Variants in ST6GALNAC3 observed in about 807,000 individuals in gnomAD.
The protein encoded by ST6GALNAC3 is ST6 N-acetylgalactosaminide alpha-2,6-sialyltransferase 3.
A neutral mutation model predicts 32.7 loss-of-function variants in ST6GALNAC3; 25 were observed. That is an observed-to-expected ratio of 0.76 (90% CI 0.56 to 1.07). The LOEUF is 1.07. Among genes scored for constraint, ST6GALNAC3 ranks in the 50% least tolerant of loss-of-function variants. The pLI is 0.00. For synonymous variants in ST6GALNAC3, 129 were observed against 133.1 expected (o/e 0.97, Z 0.21); for missense variants, 355 against 382.4 (o/e 0.93, Z 0.60).
At chr1:76,393,779 A>G (rs1454811059) in intron 2 of ST6GALNAC3, among the ~76,000 whole-genome samples, 1 of 152,170 alleles carries the variant, frequency 6.6e-6, no homozygotes, top group Admixed American at 6.5e-5. Flanking sequence ...TCTTTAATAA[A>G]CCTCTACTGG....
chr1:76,171,501 GT>G lies in ST6GALNAC3; in HGVS notation c.18+96627del, dbSNP rs139355359. On this transcript the variant is annotated intron_variant, in intron 1 of 4. Coordinates refer to ENST00000328299, the MANE Select transcript of ST6GALNAC3 (RefSeq NM_152996.4). ...AAAAAAATCAATGAATCCAGGAGCT[GT>G]TTTTTTTTTGAAAAAATTAACGAAT... is the stretch of plus-strand genomic sequence containing the variant. Among the ~76,000 whole-genome samples the G allele has an allele frequency of 4.7e-4, 69 of 146,068 alleles. No homozygotes were observed. In the South Asian group the frequency reaches 8.6e-3, roughly 18 times the overall value.
At chr1:76,263,822 G>A (rs1456570565) in intron 1 of ST6GALNAC3, among the ~76,000 whole-genome samples, 1 of 152,160 alleles carries the variant, frequency 6.6e-6, no homozygotes, top group Admixed American at 6.5e-5. Context: ...GTGGGGCTTA[G>A]AAGTGCTTTT....
At chr1:76,403,898 T>C (rs1653617806) in intron 2 of ST6GALNAC3, among the ~76,000 whole-genome samples, 1 of 151,996 alleles carries the variant, frequency 6.6e-6, no homozygotes, top group African/African-American at 2.4e-5. Context: ...CACATCCATA[T>C]GAGAAAACTC....
chr1:76,546,067 T>A (rs1345380739), intron 3 of ST6GALNAC3, among the ~76,000 whole-genome samples: 1 of 152,206 alleles, frequency 6.6e-6, no homozygotes, highest in East Asian at 1.9e-4. Context: ...AAGTACAGAT[T>A]GAGACTCTGT....
At chr1:76,444,413 C>A (rs767684466) in intron 3 of ST6GALNAC3, among the ~76,000 whole-genome samples, 4 of 152,078 alleles carry the variant, frequency 2.6e-5, no homozygotes, top group Non-Finnish European at 4.4e-5. Context: ...ACTGTGCTAG[C>A]CACAGAGTAC....
intron 1 of ST6GALNAC3, among the ~76,000 whole-genome samples, chr1:76,190,383 C>T (rs958568815): frequency 9.2e-5 from 14 of 152,164 alleles, no homozygotes; most frequent in Non-Finnish European, 1.9e-4. Context: ...CAGTTTCCTT[C>T]TTTGCAAGTT....
intron 1 of ST6GALNAC3, among the ~76,000 whole-genome samples, chr1:76,212,657 T>C (rs543223696): frequency 2.0e-5 from 3 of 152,232 alleles, no homozygotes; most frequent in South Asian, 4.1e-4. Flanking sequence ...AATTCAACAA[T>C]TGAATTTTTT....
intron 3 of ST6GALNAC3, among the ~76,000 whole-genome samples, chr1:76,420,590 T>C (rs1654963742): frequency 6.6e-6 from 1 of 152,090 alleles, no homozygotes; most frequent in Non-Finnish European, 1.5e-5. Context: ...ATTTTCACTC[T>C]CTGTCTTTCA....
At chr1:76,382,474 T>C (rs970898216) in intron 2 of ST6GALNAC3, among the ~76,000 whole-genome samples, 2 of 152,134 alleles carry the variant, frequency 1.3e-5, no homozygotes, top group East Asian at 1.9e-4. Flanking sequence ...AGATTATGCA[T>C]AGTAGAAGAG....
intron 3 of ST6GALNAC3, among the ~76,000 whole-genome samples, chr1:76,527,048 C>T (rs1662955832): frequency 6.6e-6 from 1 of 152,042 alleles, no homozygotes; most frequent in Admixed American, 6.6e-5. Context: ...TTCTGGAAGA[C>T]AAGCTTGAAT....
intron 3 of ST6GALNAC3, among the ~76,000 whole-genome samples, chr1:76,513,205 C>T (rs1661974839): frequency 6.6e-6 from 1 of 152,060 alleles, no homozygotes; most frequent in Non-Finnish European, 1.5e-5. Flanking sequence ...AAAATCCCTG[C>T]CATGCCCAAT....
In ST6GALNAC3 at chr1:76,468,305, T is replaced by C. The variant is rs987037368; in HGVS notation, c.623+55888T>C. ...AATAGACACAAACATTTCCTCTAAATACTTCAGTGCCTGTGATTTAAGTAG... is the reference window on the plus strand; with the variant it reads ...AATAGACACAAACATTTCCTCTAAACACTTCAGTGCCTGTGATTTAAGTAG... On this transcript the variant is annotated intron_variant, in intron 3 of 4. Transcript: ENST00000328299. 2.0e-5 allele frequency among the ~76,000 whole-genome samples: 3 copies of C among 152,126 alleles called. No homozygotes were observed. The South Asian group carries it at 6.2e-4, about 32-fold the overall frequency.
Position 76,081,285 on chromosome 1 carries a change from T to TAA in ST6GALNAC3, c.18+6420_18+6421dup, listed in dbSNP as rs10526487. Among the ~76,000 whole-genome samples, 198 of 120,536 alleles carry TAA rather than the reference T, an allele frequency of 1.6e-3. 2 individuals carry two copies. Among genetic ancestry groups the TAA allele is most frequent in the African/African-American group, 6.2e-3 (189 of 30,376 alleles). 79.1% of individuals were successfully genotyped at this position (120,536 alleles called of 152,430 possible). Reference sequence around the variant, plus strand: ...CTAACACGAATGACAGCTGGTGAGCTAAAAAAAAAAAAAAAAAAAAGCAAA... The same window carrying TAA: ...CTAACACGAATGACAGCTGGTGAGCTAAAAAAAAAAAAAAAAAAAAAAGCAAA... On this transcript the variant is annotated intron_variant, in intron 1 of 4. Coordinates refer to ENST00000328299, the MANE Select transcript of ST6GALNAC3 (RefSeq NM_152996.4).
chr1:76,490,375 T>G (rs1042641327), intron 3 of ST6GALNAC3, among the ~76,000 whole-genome samples: 8 of 151,846 alleles, frequency 5.3e-5, no homozygotes, highest in African/African-American at 1.9e-4. Context: ...GAAATTTCCA[T>G]TTTATTTTGT....
chr1:76,314,130 A>G, intron 2 of ST6GALNAC3, 131 bp downstream of exon 2: 1 of 723,622 alleles, frequency 1.4e-6, no homozygotes, highest in East Asian at 2.8e-5. Flanking sequence ...GTCCCTGACA[A>G]CATCTTCTGT....
chr1:76,382,291 T>C (rs1479017744), intron 2 of ST6GALNAC3, among the ~76,000 whole-genome samples: 1 of 152,160 alleles, frequency 6.6e-6, no homozygotes, highest in Non-Finnish European at 1.5e-5. Flanking sequence ...ACAAATAAAC[T>C]GTAGGTTATT....
chr1:76,107,674 C>T (rs754134489), intron 1 of ST6GALNAC3, among the ~76,000 whole-genome samples: 1 of 152,158 alleles, frequency 6.6e-6, no homozygotes, highest in Admixed American at 6.5e-5. Flanking sequence ...CTTGCCCCAC[C>T]CGCCAGCCCA....
rs1472281207 is a variant in ST6GALNAC3, at chr1:76,494,468, T to TACACAC, written c.623+82064_623+82069dup. Among the ~76,000 whole-genome samples, 594 of 59,510 alleles carry TACACAC rather than the reference T, an allele frequency of 1.0e-2. 124 individuals are homozygous for TACACAC. The highest frequency in any genetic ancestry group is 0.042 in the East Asian group (53 of 1,252). The allele number at this position is 59,510 out of a possible 152,430, so 39.0% of individuals were successfully genotyped here. ...ATATATATATATATATATATATATATACACACACACACACACACTTTCCCT... is the reference window on the plus strand; with the variant it reads ...ATATATATATATATATATATATATATACACACACACACACACACACACACTTTCCCT... On this transcript the variant is annotated intron_variant, in intron 3 of 4. Coordinates refer to ENST00000328299, the MANE Select transcript of ST6GALNAC3 (RefSeq NM_152996.4).
chr1:76,553,701 A>G (rs1664763640), intron 3 of ST6GALNAC3, among the ~76,000 whole-genome samples: 1 of 152,292 alleles, frequency 6.6e-6, no homozygotes, highest in African/African-American at 2.4e-5. Context: ...TAGTAATTAC[A>G]TGATTTTTGA....
Sources: allele counts gnomAD v4.1 joint callset (sites outside exome capture counted in the v4.1 genomes callset), GRCh38; gene constraint gnomAD v4.1.1; transcripts MANE v1.5; gene names NCBI Gene and HGNC (gene_info 2026-07-23, HGNC 2026-07-21).